Variants in CUX1 observed in about 807,000 individuals in gnomAD.
CUX1 encodes cut like homeobox 1, also known as protein CASP.
A neutral mutation model predicts 158.8 loss-of-function variants in CUX1; 31 were observed. The observed-to-expected ratio is 0.20, with a 90% CI of 0.15 to 0.26. The LOEUF (loss-of-function observed/expected upper bound fraction) is 0.26, where lower values mean the gene tolerates loss of function less well. CUX1 is among the 10% of genes least tolerant of loss of function. The probability of loss-of-function intolerance (pLI) is 1.00; values close to 1 mark genes in which losing one functional copy is unlikely to be tolerated. For missense variants in CUX1, 1,589 were observed against 2,014.6 expected (o/e 0.79, Z 4.04); for synonymous variants, 879 against 862.1 (o/e 1.02, Z -0.34).
At chr7:101,989,432 C>A (rs1456668250) in intron 2 of CUX1, among the ~76,000 whole-genome samples, 1 of 152,210 alleles carries the variant, frequency 6.6e-6, no homozygotes, top group Non-Finnish European at 1.5e-5. Context: ...GTTAATAATC[C>A]CTGGATTTCT....
At chr7:102,146,482 C>T (rs1298664444) in intron 8 of CUX1, among the ~76,000 whole-genome samples, 3 of 152,176 alleles carry the variant, frequency 2.0e-5, no homozygotes, top group Non-Finnish European at 1.5e-5. Flanking sequence ...TTATTGAAAT[C>T]GTTTCCCATG....
At chr7:101,925,539 C>G (rs927874285) in intron 2 of CUX1, among the ~76,000 whole-genome samples, 10 of 152,176 alleles carry the variant, frequency 6.6e-5, no homozygotes, top group Admixed American at 2.6e-4. Context: ...AGTGGTGATA[C>G]TTGCACAACT....
intron 8 of CUX1, among the ~76,000 whole-genome samples, chr7:102,155,869 C>T (rs1465186474): frequency 6.6e-6 from 1 of 152,168 alleles, no homozygotes; most frequent in Non-Finnish European, 1.5e-5. Flanking sequence ...ACTCCCTGCA[C>T]CCAGCACTGT....
At chr7:101,960,764 C>T (rs1156645513) in intron 2 of CUX1, 1 of 152,210 alleles carries the variant, frequency 6.6e-6, no homozygotes, top group Non-Finnish European at 1.5e-5. Flanking sequence ...GCATTGGTCA[C>T]AACTTTGATT....
chr7:101,875,187 C>A lies in CUX1; in HGVS notation c.31-40928C>A, dbSNP rs79355648. Among the ~76,000 whole-genome samples the A allele has an allele frequency of 2.0e-3, 297 of 152,228 alleles. 1 individual carries two copies. Among genetic ancestry groups the A allele is most frequent in the East Asian group, 0.015 (77 of 5,174 alleles). ...ATTACCTTTGTCCTGGGTCATTCTT[C>A]CTTAAATCACAGCTAGGATGCAAAC... On this transcript the variant is annotated intron_variant, in intron 1 of 23. Transcript: ENST00000292535.
At chr7:101,858,904 G>A (rs1797159176) in intron 1 of CUX1, among the ~76,000 whole-genome samples, 1 of 152,120 alleles carries the variant, frequency 6.6e-6, no homozygotes, top group Non-Finnish European at 1.5e-5. Flanking sequence ...GACCTCAGGT[G>A]ATCCGCTTCC....
intron 3 of CUX1, among the ~76,000 whole-genome samples, chr7:102,038,484 T>C (rs1821698625): frequency 6.6e-6 from 1 of 152,232 alleles, no homozygotes; most frequent in South Asian, 2.1e-4. Flanking sequence ...ACCAGGGATA[T>C]GCAGATTAAA....
chr7:101,888,033 G>A (rs1323595614), intron 1 of CUX1, among the ~76,000 whole-genome samples: 1 of 152,112 alleles, frequency 6.6e-6, no homozygotes. Flanking sequence ...GGGTCAATGA[G>A]TTCCATAAAC....
chr7:101,834,162 T>C (rs923862348), intron 1 of CUX1, among the ~76,000 whole-genome samples: 2 of 144,234 alleles, frequency 1.4e-5, no homozygotes, highest in African/African-American at 5.2e-5. Flanking sequence ...AAGCTGATTG[T>C]TTCTTTTTTT....
At chr7:102,076,909 C>A (rs1413992646) in intron 4 of CUX1, among the ~76,000 whole-genome samples, 1 of 151,820 alleles carries the variant, frequency 6.6e-6, no homozygotes, top group African/African-American at 2.4e-5. Context: ...TGGCGTTCGC[C>A]TGTAGTCCCA....
intron 2 of CUX1, among the ~76,000 whole-genome samples, chr7:102,014,963 G>C (rs1276197523): frequency 6.6e-6 from 1 of 151,896 alleles, no homozygotes; most frequent in Non-Finnish European, 1.5e-5. Context: ...CCAAGACCCT[G>C]CCTCCGTGTC....
intron 1 of CUX1, among the ~76,000 whole-genome samples, chr7:101,835,517 G>A (rs1389713419): frequency 1.3e-5 from 2 of 152,134 alleles, no homozygotes; most frequent in East Asian, 3.8e-4. Flanking sequence ...GCAATTGCCA[G>A]GTCATATGTA....
intron 18 of CUX1, chr7:102,278,125 G>C (rs1423974691): frequency 1.6e-6 from 2 of 1,272,830 alleles, no homozygotes; most frequent in East Asian, 2.4e-5. Context: ...AGGCCGATCA[G>C]GGCTCTGGAG....
At chr7:102,163,953 C>T (rs1178344251) in intron 9 of CUX1, among the ~76,000 whole-genome samples, 3 of 152,144 alleles carry the variant, frequency 2.0e-5, no homozygotes, top group Non-Finnish European at 4.4e-5. Flanking sequence ...GCAGAGGGGT[C>T]GGCACCTGTC....
chr7:101,933,480 C>T (rs1224663262), intron 2 of CUX1, among the ~76,000 whole-genome samples: 1 of 152,136 alleles, frequency 6.6e-6, no homozygotes, highest in Non-Finnish European at 1.5e-5. Flanking sequence ...TCACATTATT[C>T]ATTGTCTTAA....
chr7:102,115,613 C>T (rs797032385), intron 8 of CUX1: 12 of 212,840 alleles, frequency 5.6e-5, no homozygotes, highest in African/African-American at 2.5e-4. Flanking sequence ...CACAGTTCTT[C>T]ATTTCTCCCA....
chr7:102,219,276 G>A (rs569119980), intron 20 of CUX1, among the ~76,000 whole-genome samples: 72 of 152,068 alleles, frequency 4.7e-4, no homozygotes, highest in Non-Finnish European at 9.6e-4. Context: ...CCATTGGTGG[G>A]GGTGGGGGGG....
At chr7:101,900,608 A>G (rs537011990) in intron 1 of CUX1, among the ~76,000 whole-genome samples, 21 of 152,352 alleles carry the variant, frequency 1.4e-4, no homozygotes, top group African/African-American at 5.0e-4. Flanking sequence ...CCCAGGAGCC[A>G]GTTGGCATCT....
intron 1 of CUX1, among the ~76,000 whole-genome samples, chr7:101,909,305 G>T (rs1803140063): frequency 6.6e-6 from 1 of 151,772 alleles, no homozygotes; most frequent in Non-Finnish European, 1.5e-5. Context: ...TCCAGTTCAG[G>T]TTTGGGAGGC....
Sources: allele counts gnomAD v4.1 joint callset (sites outside exome capture counted in the v4.1 genomes callset), GRCh38; gene constraint gnomAD v4.1.1; transcripts MANE v1.5; gene names NCBI Gene and HGNC (gene_info 2026-07-23, HGNC 2026-07-21).